ERC2: variants seen among roughly 807,000 people sequenced by gnomAD.
ERC2 encodes the protein ERC protein 2.
Under a neutral mutation model 114.8 loss-of-function variants are expected in ERC2, and 42 were observed. The observed-to-expected ratio is 0.37, with a 90% CI of 0.29 to 0.47. ERC2 has a LOEUF of 0.47. Among genes scored for constraint, ERC2 ranks in the 20% least tolerant of loss-of-function variants. The pLI is 0.99. For synonymous variants in ERC2, 454 were observed against 425.5 expected (o/e 1.07, Z -0.82); for missense variants, 939 against 1,150.7 (o/e 0.82, Z 2.66).
chr3:55,754,605 T>TATAA (rs2066932794), intron 14 of ERC2, among the ~76,000 whole-genome samples: 2 of 94,156 alleles, frequency 2.1e-5, no homozygotes, highest in Admixed American at 2.0e-4. Flanking sequence ...CATTCTTACA[T>TATAA]AAAAAAAAAA....
At chr3:55,969,392 TACACACACACACAC>T (rs10555030) in intron 12 of ERC2, among the ~76,000 whole-genome samples, 33 of 140,600 alleles carry the variant, frequency 2.3e-4, no homozygotes, top group African/African-American at 5.9e-4. Flanking sequence ...TTTATACACA[TACACACACACACAC>T]ACACACACAC....
At chr3:55,765,489 G>T (rs533379810) in intron 14 of ERC2, among the ~76,000 whole-genome samples, 1 of 152,168 alleles carries the variant, frequency 6.6e-6, no homozygotes, top group Non-Finnish European at 1.5e-5. Context: ...GAGAGCTATT[G>T]TATTCCACCC....
chr3:55,652,943 C>T (rs974002279), intron 17 of ERC2, among the ~76,000 whole-genome samples: 18 of 150,968 alleles, frequency 1.2e-4, no homozygotes, highest in African/African-American at 3.2e-4. Flanking sequence ...GACAGTTGAG[C>T]GCACTGACTG....
intron 2 of ERC2, among the ~76,000 whole-genome samples, chr3:56,330,659 T>G (rs926403229): frequency 3.9e-5 from 6 of 152,300 alleles, no homozygotes; most frequent in Admixed American, 1.3e-4. Context: ...TCCAACACTT[T>G]TTGAGTGCTG....
intron 14 of ERC2, among the ~76,000 whole-genome samples, chr3:55,813,919 C>T (rs2059811636): frequency 1.3e-5 from 2 of 152,296 alleles, no homozygotes; most frequent in African/African-American, 4.8e-5. Context: ...TCAACTTCTT[C>T]TCATGTAACC....
intron 14 of ERC2, among the ~76,000 whole-genome samples, chr3:55,740,191 T>A (rs1268195423): frequency 6.6e-6 from 1 of 152,186 alleles, no homozygotes; most frequent in South Asian, 2.1e-4. Flanking sequence ...TGTCATTAAA[T>A]ACAGTTCCAA....
chr3:56,109,359 T>G (rs979526551), intron 6 of ERC2, among the ~76,000 whole-genome samples: 16 of 152,190 alleles, frequency 1.1e-4, no homozygotes, highest in African/African-American at 3.9e-4. Context: ...ATCTCATTCT[T>G]TTTTATGGCT....
rs192966695 is a variant in ERC2, at chr3:55,973,321, T to C, written c.2267+12656A>G. On this transcript the variant is annotated intron_variant, in intron 12 of 17. Transcript: ENST00000288221. ...ACAGGCCACTTAGAGTTTTCTATCT[T>C]AGATAAACAGGTGAACGTTGTGCCA... is the stretch of plus-strand genomic sequence containing the variant. Among the ~76,000 whole-genome samples, 202 of 152,282 alleles carry C rather than the reference T, an allele frequency of 1.3e-3. 1 individual carries two copies. The highest frequency in any genetic ancestry group is 1.4e-3 in the Admixed American group (21 of 15,290).
chr3:56,434,306 G>A (rs1333151203), intron 2 of ERC2, 45 bp downstream of exon 2: 2 of 1,576,052 alleles, frequency 1.3e-6, no homozygotes, highest in Non-Finnish European at 1.7e-6. Flanking sequence ...CAACTACTCA[G>A]TGAGAAGCCA....
intron 7 of ERC2, among the ~76,000 whole-genome samples, chr3:56,051,230 G>T (rs1250396001): frequency 6.6e-6 from 1 of 152,094 alleles, no homozygotes; most frequent in East Asian, 1.9e-4. Context: ...AATTTTCCAA[G>T]GCCCACTTGG....
At chr3:55,950,649 C>A in intron 12 of ERC2, 89 bp from the exon 13 acceptor site, 2 of 1,414,920 alleles carry the variant, frequency 1.4e-6, no homozygotes, top group Admixed American at 1.8e-5. Flanking sequence ...TAAGTATAGG[C>A]TATCTGGATA....
intron 15 of ERC2, among the ~76,000 whole-genome samples, chr3:55,719,325 A>G (rs1263120988): frequency 6.6e-6 from 1 of 152,178 alleles, no homozygotes; most frequent in African/African-American, 2.4e-5. Context: ...GTACCCACAG[A>G]ACCAGAATGT....
chr3:55,969,382 T>G (rs529756097), intron 12 of ERC2, among the ~76,000 whole-genome samples: 2 of 130,506 alleles, frequency 1.5e-5, no homozygotes, highest in African/African-American at 5.6e-5. Context: ...GGTCAGGAAT[T>G]TTATACACAT....
chr3:56,070,277 A>G (rs1364544436), intron 7 of ERC2, among the ~76,000 whole-genome samples: 2 of 152,204 alleles, frequency 1.3e-5, no homozygotes, highest in Non-Finnish European at 2.9e-5. Context: ...TCATCTGCAG[A>G]CTGAAATATG....
chr3:55,878,976 T>A (rs2062988594), intron 14 of ERC2, among the ~76,000 whole-genome samples: 1 of 152,202 alleles, frequency 6.6e-6, no homozygotes. Flanking sequence ...AAGAGTTTTA[T>A]GAAAAATAAA....
intron 14 of ERC2, among the ~76,000 whole-genome samples, chr3:55,887,710 G>A (rs2063413249): frequency 6.6e-6 from 1 of 152,128 alleles, no homozygotes; most frequent in African/African-American, 2.4e-5. Flanking sequence ...AGGTGTAGGT[G>A]GGTGTGTCAC....
chr3:56,238,001 G>T (rs540286670), intron 3 of ERC2, among the ~76,000 whole-genome samples: 23 of 150,752 alleles, frequency 1.5e-4, no homozygotes, highest in African/African-American at 4.6e-4. Context: ...CACCACTATT[G>T]AGCTGCATAA....
chr3:56,054,967 T>C (rs1166442958), intron 7 of ERC2, among the ~76,000 whole-genome samples: 1 of 152,164 alleles, frequency 6.6e-6, no homozygotes, highest in Non-Finnish European at 1.5e-5. Flanking sequence ...CTCACAGCCC[T>C]CATGGCAGTG....
chr3:56,184,674 A>G (rs2083483672), intron 3 of ERC2, among the ~76,000 whole-genome samples: 1 of 152,176 alleles, frequency 6.6e-6, no homozygotes. Flanking sequence ...TTTAATTACT[A>G]ACATAACACT....
Sources: gnomAD v4.1 joint callset for allele counts (sites outside exome capture counted in the v4.1 genomes callset) on GRCh38, gnomAD v4.1.1 for gene constraint, MANE v1.5 for transcripts, NCBI Gene and HGNC (gene_info 2026-07-23, HGNC 2026-07-21) for gene names.